The following PALS1 variants were observed in gnomAD, a reference collection of about 807,000 sequenced individuals.
PALS1 encodes protein associated with LIN7 1, MAGUK p55 family member.
Under a neutral mutation model 78.9 loss-of-function variants are expected in PALS1, and 31 were observed. The ratio of observed to expected loss-of-function variants is 0.39; its 90% CI spans 0.30 to 0.53. The LOEUF is 0.53. Among genes scored for constraint, PALS1 ranks in the 20% least tolerant of loss-of-function variants. PALS1 has a pLI of 0.67. For synonymous variants in PALS1, 276 were observed against 270.9 expected (o/e 1.02, Z -0.18); for missense variants, 704 against 826.5 (o/e 0.85, Z 1.82).
intron 4 of PALS1, among the ~76,000 whole-genome samples, chr14:67,299,522 G>A (rs899114585): frequency 3.3e-5 from 5 of 152,140 alleles, no homozygotes; most frequent in Non-Finnish European, 7.4e-5. Flanking sequence ...ACAAGGAAAA[G>A]TGGTATAGCT....
chr14:67,327,919 C>T (rs956966784), intron 14 of PALS1, among the ~76,000 whole-genome samples: 17 of 152,312 alleles, frequency 1.1e-4, no homozygotes, highest in Non-Finnish European at 1.8e-4. Context: ...TCTTTGCTAT[C>T]GTAAATAGTG....
Position 67,302,554 on chromosome 14 carries a change from G to C in PALS1, c.946G>C (p.Glu316Gln). 4.6e-6 allele frequency: 7 copies of C among 1,531,916 alleles called. No homozygotes were observed. Among genetic ancestry groups the C allele is most frequent in the Non-Finnish European group, 6.1e-6 (7 of 1,138,834 alleles). The allele number at this position is 1,531,916 out of a possible 1,614,324, so 94.9% of individuals were successfully genotyped here. ...TGAAATTCGGGGGAAAGATGTCAAT[G>C]AGGTTTTTGACTTGTTGGTAAGTTG... ...GIEIRGKDVN[E>Q]VFDLLSDMHG... Residue 316 changes from glutamate (E) to glutamine (Q), a missense_variant, in exon 7 of 15, where the codon GAG becomes CAG. By Grantham distance (29) the Glu-to-Gln change is conservative. Coordinates refer to ENST00000261681, the MANE Select transcript of PALS1 (RefSeq NM_022474.4).
In PALS1 at chr14:67,320,321, AC is replaced by A; in HGVS notation, c.1462del (p.Gln488ArgfsTer13). On this transcript the variant is annotated frameshift_variant, in exon 12 of 15. Transcript: ENST00000261681. LOFTEE classifies it high-confidence loss of function. ...AGAGACCTATCATCTTGATTGGTCC[AC>A]AGAACTGTGGCCAGAATGAATTGCG... Reference protein sequence around the residue: ...RKRPIILIGPQNCGQNELRQR... With the variant: ...RKRPIILIGPXNCGQNELRQR... 1 of 1,613,946 alleles carries A rather than the reference AC, an allele frequency of 6.2e-7. No homozygotes were observed.
intron 3 of PALS1, among the ~76,000 whole-genome samples, chr14:67,291,239 T>A (rs2084767788): frequency 1.3e-5 from 2 of 151,902 alleles, no homozygotes; most frequent in Non-Finnish European, 2.9e-5. Context: ...CAGTGCTTTT[T>A]TTTTTTTGAG....
At chr14:67,284,440 A>C (rs1467801235) in intron 3 of PALS1, among the ~76,000 whole-genome samples, 5 of 147,918 alleles carry the variant, frequency 3.4e-5, no homozygotes, top group South Asian at 2.1e-4. Context: ...AAAAAAAAAA[A>C]AAAACAGCTG....
intron 1 of PALS1, among the ~76,000 whole-genome samples, chr14:67,246,798 C>A (rs367774898): frequency 2.6e-5 from 4 of 151,866 alleles, no homozygotes; most frequent in Non-Finnish European, 5.9e-5. Flanking sequence ...ATTATAAGCG[C>A]GCACCACCAC....
At chr14:67,325,088 G>A (rs1244680241) in intron 14 of PALS1, among the ~76,000 whole-genome samples, 1 of 151,640 alleles carries the variant, frequency 6.6e-6, no homozygotes, top group Non-Finnish European at 1.5e-5. Context: ...TGTATTTTTA[G>A]TAGAGACAGG....
chr14:67,324,897 ATTT>A (rs1197663812), intron 14 of PALS1, among the ~76,000 whole-genome samples: 2 of 76,332 alleles, frequency 2.6e-5, no homozygotes, highest in African/African-American at 5.8e-5. Context: ...CCTTCCTTTC[ATTT>A]TTTTTTTTTT....
intron 1 of PALS1, among the ~76,000 whole-genome samples, chr14:67,265,275 A>C (rs943924622): frequency 1.3e-5 from 2 of 152,188 alleles, no homozygotes; most frequent in Non-Finnish European, 2.9e-5. Flanking sequence ...GTAAACCCAG[A>C]GCCTGGGCAT....
At chr14:67,299,801 A>C (rs1267185650) in intron 4 of PALS1, among the ~76,000 whole-genome samples, 1 of 152,174 alleles carries the variant, frequency 6.6e-6, no homozygotes, top group African/African-American at 2.4e-5. Context: ...AATAGGGAGA[A>C]AATCTCTAAT....
At chr14:67,323,332 G>A (rs1455728758) in intron 13 of PALS1, among the ~76,000 whole-genome samples, 1 of 151,226 alleles carries the variant, frequency 6.6e-6, no homozygotes, top group Non-Finnish European at 1.5e-5. Flanking sequence ...TGTGAATTGG[G>A]CCAGGTGCAG....
chr14:67,330,643 A>G (rs901439303), intron 14 of PALS1, among the ~76,000 whole-genome samples: 1 of 151,876 alleles, frequency 6.6e-6, no homozygotes, highest in African/African-American at 2.4e-5. Context: ...TTTTTAGTAG[A>G]GATGGGGTTT....
intron 4 of PALS1, among the ~76,000 whole-genome samples, chr14:67,293,041 A>G (rs1429523140): frequency 6.6e-6 from 1 of 152,152 alleles, no homozygotes; most frequent in East Asian, 1.9e-4. Context: ...TAAGCATTAT[A>G]CATTATAAAC....
intron 8 of PALS1, among the ~76,000 whole-genome samples, chr14:67,306,977 CAG>C (rs1407911477): frequency 9.9e-5 from 15 of 152,262 alleles, no homozygotes; most frequent in African/African-American, 3.4e-4. Flanking sequence ...GTGTTTAAGA[CAG>C]ATATACAAAA....
At chr14:67,259,125 G>C (rs1595565835) in intron 1 of PALS1, among the ~76,000 whole-genome samples, 1 of 151,774 alleles carries the variant, frequency 6.6e-6, no homozygotes, top group Admixed American at 6.6e-5. Flanking sequence ...TTACAGATGT[G>C]AGCCACTGCA....
intron 3 of PALS1, among the ~76,000 whole-genome samples, chr14:67,285,978 C>A (rs1535491): frequency 0.15 from 23,524 of 152,018 alleles, 3,434 homozygotes; most frequent in East Asian, 0.42. Context: ...TTTAAATAAT[C>A]AAGAGTTAAA....
chr14:67,288,187 C>T (rs1296129319), intron 3 of PALS1, among the ~76,000 whole-genome samples: 1 of 152,112 alleles, frequency 6.6e-6, no homozygotes, highest in Non-Finnish European at 1.5e-5. Flanking sequence ...TCAAGCGATT[C>T]TCCTGCCTCA....
At chr14:67,324,897 A>ATTTTTTTTTTTTTTTT in intron 14 of PALS1, among the ~76,000 whole-genome samples, 1 of 76,336 alleles carries the variant, frequency 1.3e-5, no homozygotes, top group Non-Finnish European at 2.4e-5. Context: ...CCTTCCTTTC[A>ATTTTTTTTTTTTTTTT]TTTTTTTTTT....
intron 3 of PALS1, among the ~76,000 whole-genome samples, chr14:67,280,672 C>A (rs984251688): frequency 2.6e-5 from 4 of 152,150 alleles, no homozygotes; most frequent in Non-Finnish European, 5.9e-5. Flanking sequence ...CTGCGTTTCA[C>A]TCACCAGGCC....
Sources: gnomAD v4.1 joint callset for allele counts (sites outside exome capture counted in the v4.1 genomes callset) on GRCh38, gnomAD v4.1.1 for gene constraint, MANE v1.5 for transcripts, NCBI Gene and HGNC (gene_info 2026-07-23, HGNC 2026-07-21) for gene names.